MALRD1: variants seen among roughly 807,000 people sequenced by gnomAD.
The protein encoded by MALRD1 is MAM and LDL receptor class A domain containing 1.
In MALRD1, 247 loss-of-function variants were observed where a neutral mutation model predicts 242.1. That is an observed-to-expected ratio of 1.02 (90% CI 0.92 to 1.13). The LOEUF (loss-of-function observed/expected upper bound fraction) is 1.13. Ranked by LOEUF, MALRD1 falls within the 50% of genes most tolerant of loss-of-function variation. MALRD1 has a pLI of 0.00. For missense variants in MALRD1, 2,989 were observed against 2,533.1 expected (o/e 1.18, Z -3.86); for synonymous variants, 995 against 866.6 (o/e 1.15, Z -2.60).
rs934749422 is a variant in MALRD1 at position 19,588,305 on chromosome 10, A to G, written c.5681-6889A>G. 3.5e-4 allele frequency among the ~76,000 whole-genome samples: 53 copies of G among 152,342 alleles called. 1 individual carries two copies. The highest frequency in any genetic ancestry group is 6.7e-4 in the African/African-American group (28 of 41,584). ...AATTATCAAGAAAAGTAAAATTACT[A>G]TTTAAACCACTGATTTATTATTCAT... is the stretch of plus-strand genomic sequence containing the variant. On this transcript the variant is annotated intron_variant, in intron 33 of 39. Transcript: ENST00000454679.
At chr10:19,359,656 G>A (rs1398129933) in intron 26 of MALRD1, among the ~76,000 whole-genome samples, 1 of 151,644 alleles carries the variant, frequency 6.6e-6, no homozygotes, top group Admixed American at 6.6e-5. Context: ...GAAAATTGTG[G>A]AGAGGAAAGC....
chr10:19,628,996 C>T (rs781252608), intron 36 of MALRD1, among the ~76,000 whole-genome samples: 8 of 152,090 alleles, frequency 5.3e-5, no homozygotes, highest in Non-Finnish European at 1.0e-4. Flanking sequence ...ACAAACTGCT[C>T]TCGCCCAGCT....
Position 19,728,786 on chromosome 10 carries a change from C to A in MALRD1, c.6315-1920C>A, listed in dbSNP as rs145951717. 5.6e-3 allele frequency among the ~76,000 whole-genome samples: 857 copies of A among 152,232 alleles called. 5 individuals are homozygous for A. The highest frequency in any genetic ancestry group is 0.017 in the African/African-American group (717 of 41,546). On this transcript the variant is annotated intron_variant, in intron 38 of 39. Transcript: ENST00000454679. ...TGCATTTCAAAACTACACTTCACTC[C>A]CTACCCAATCTCAACTCCAAGATCA...
chr10:19,341,813 A>G (rs1366673622), intron 24 of MALRD1, among the ~76,000 whole-genome samples: 2 of 152,062 alleles, frequency 1.3e-5, no homozygotes, highest in East Asian at 1.9e-4. Context: ...AAAGCCAAGA[A>G]TAATTAAAAC....
rs77575891 is a variant in MALRD1, at chr10:19,057,315, T to A, written c.199+8178T>A. 3.4e-3 allele frequency among the ~76,000 whole-genome samples: 515 copies of A among 152,270 alleles called. 4 individuals are homozygous for A. Among genetic ancestry groups the A allele is most frequent in the East Asian group, 0.019 (96 of 5,176 alleles). On this transcript the variant is annotated intron_variant, in intron 1 of 39. Transcript: ENST00000454679. ...CTGGCACCATCAAGGTGCCAGCAGA[T>A]TCAGTGTCTGGTGCCCTCTGCTTGG...
intron 8 of MALRD1, among the ~76,000 whole-genome samples, chr10:19,129,923 A>G (rs972980853): frequency 2.0e-5 from 3 of 148,810 alleles, no homozygotes; most frequent in African/African-American, 7.3e-5. Flanking sequence ...ACATATCTGT[A>G]GATATGTGGA....
intron 4 of MALRD1, among the ~76,000 whole-genome samples, chr10:19,101,302 C>A (rs894074488): frequency 4.2e-5 from 6 of 144,378 alleles, no homozygotes; most frequent in East Asian, 2.0e-4. Flanking sequence ...TAACATATAT[C>A]TATATTATAA....
intron 12 of MALRD1, among the ~76,000 whole-genome samples, chr10:19,156,469 T>G (rs1286349267): frequency 6.6e-6 from 1 of 151,638 alleles, no homozygotes; most frequent in Non-Finnish European, 1.5e-5. Context: ...AGCGTTTTTT[T>G]TTTTTTTTTT....
intron 29 of MALRD1, among the ~76,000 whole-genome samples, chr10:19,490,005 TATC>T (rs1334148499): frequency 6.6e-6 from 1 of 152,160 alleles, no homozygotes; most frequent in Admixed American, 6.5e-5. Context: ...GGTAACAGCT[TATC>T]AACATGTGAA....
chr10:19,256,364 C>G (rs987075625), intron 18 of MALRD1, among the ~76,000 whole-genome samples: 15 of 151,990 alleles, frequency 9.9e-5, no homozygotes, highest in African/African-American at 3.6e-4. Flanking sequence ...ATTCTGTCTG[C>G]TAGTTTAGGT....
At chr10:19,480,381 A>G (rs1321174592) in intron 29 of MALRD1, among the ~76,000 whole-genome samples, 1 of 152,160 alleles carries the variant, frequency 6.6e-6, no homozygotes, top group Admixed American at 6.5e-5. Flanking sequence ...ACCAAGGAAA[A>G]TGAGTTGGAG....
At chr10:19,288,802 G>T (rs1841266349) in intron 21 of MALRD1, among the ~76,000 whole-genome samples, 1 of 151,996 alleles carries the variant, frequency 6.6e-6, no homozygotes, top group African/African-American at 2.4e-5. Flanking sequence ...CCTCTCCACA[G>T]TTAAAACTTC....
chr10:19,341,486 A>ATATATGTATATATATGTG (rs1564577101), intron 24 of MALRD1, among the ~76,000 whole-genome samples: 17 of 16,092 alleles, frequency 1.1e-3, no homozygotes, highest in Non-Finnish European at 2.5e-3. Context: ...ATATATGTGT[A>ATATATGTATATATATGTG]TATATATGTA....
chr10:19,361,986 C>T (rs1577301), intron 26 of MALRD1, among the ~76,000 whole-genome samples: 119,008 of 151,956 alleles, frequency 0.78, 47,177 homozygotes, highest in African/African-American at 0.9. Flanking sequence ...TTATAGGACC[C>T]TTCCAGGCTT....
intron 28 of MALRD1, among the ~76,000 whole-genome samples, chr10:19,404,467 C>T (rs979076757): frequency 6.6e-6 from 1 of 152,036 alleles, no homozygotes; most frequent in African/African-American, 2.4e-5. Flanking sequence ...GTATGTTGCT[C>T]CCTTGAAAAT....
chr10:19,590,436 G>C (rs559723290), intron 33 of MALRD1, among the ~76,000 whole-genome samples: 43 of 148,908 alleles, frequency 2.9e-4, no homozygotes, highest in African/African-American at 1.0e-3. Flanking sequence ...TCTATCTATA[G>C]ATCTATCTAT....
At chr10:19,407,030 C>T (rs1165301679) in intron 28 of MALRD1, among the ~76,000 whole-genome samples, 3 of 152,162 alleles carry the variant, frequency 2.0e-5, no homozygotes, top group Non-Finnish European at 4.4e-5. Context: ...GACTGTCTTC[C>T]TGATGAATTC....
chr10:19,219,428 A>AT lies in MALRD1; in HGVS notation c.2991+9755dup, dbSNP rs1250786460. Among the ~76,000 whole-genome samples, 10 of 151,924 alleles carry AT rather than the reference A, an allele frequency of 6.6e-5. 1 individual carries two copies. Among genetic ancestry groups the AT allele is most frequent in the Non-Finnish European group, 8.8e-5 (6 of 67,960 alleles). Reference sequence around the variant, plus strand: ...AGCATATGTGAACACAATATTTCCTATTTTTTTCTTCTTTTTTATTTTTTT... The same window carrying AT: ...AGCATATGTGAACACAATATTTCCTATTTTTTTTCTTCTTTTTTATTTTTTT... On this transcript the variant is annotated intron_variant, in intron 18 of 39. Transcript: ENST00000454679.
chr10:19,151,106 C>T (rs980122962), intron 11 of MALRD1, among the ~76,000 whole-genome samples: 3 of 152,036 alleles, frequency 2.0e-5, no homozygotes, highest in African/African-American at 7.2e-5. Flanking sequence ...CATTATAATT[C>T]TCTATAAAAA....
Sources: gnomAD v4.1 joint callset for allele counts (sites outside exome capture counted in the v4.1 genomes callset) on GRCh38, gnomAD v4.1.1 for gene constraint, MANE v1.5 for transcripts, NCBI Gene and HGNC (gene_info 2026-07-23, HGNC 2026-07-21) for gene names.